NCAM1: variants seen among roughly 807,000 people sequenced by gnomAD.
NCAM1 encodes neural cell adhesion molecule 1.
NCAM1 carries 14 observed loss-of-function variants against 109.8 expected under a neutral mutation model. The ratio of observed to expected loss-of-function variants is 0.13; its 90% CI spans 0.08 to 0.20. The LOEUF (loss-of-function observed/expected upper bound fraction) is 0.20. NCAM1 is among the 10% of genes least tolerant of loss of function. The pLI is 1.00. For synonymous variants in NCAM1, 418 were observed against 442.9 expected, an observed-to-expected ratio of 0.94 and a Z score of 0.70; for missense variants, 774 against 1,109.9, an observed-to-expected ratio of 0.70 and a Z score of 4.30.
At chr11:113,184,954 A>C (rs1943453674) in intron 1 of NCAM1, among the ~76,000 whole-genome samples, 2 of 151,830 alleles carry the variant, frequency 1.3e-5, no homozygotes, top group South Asian at 4.2e-4. Flanking sequence ...ATATTGATGT[A>C]CTAGTCTGGG....
intron 1 of NCAM1, among the ~76,000 whole-genome samples, chr11:113,136,438 G>A (rs1223097178): frequency 6.6e-6 from 1 of 152,182 alleles, no homozygotes; most frequent in Non-Finnish European, 1.5e-5. Context: ...CCTTCGCATG[G>A]TGCAGGAGCA....
intron 1 of NCAM1, among the ~76,000 whole-genome samples, chr11:113,032,457 G>A (rs368968201): frequency 3.3e-5 from 5 of 152,086 alleles, no homozygotes; most frequent in African/African-American, 7.2e-5. Flanking sequence ...GCATCCCGTC[G>A]GCTGACTCAC....
intron 1 of NCAM1, among the ~76,000 whole-genome samples, chr11:113,109,239 T>G (rs1940320872): frequency 6.6e-6 from 1 of 150,846 alleles, no homozygotes. Context: ...TCCCAGCTAC[T>G]CAGGAGGCTG....
chr11:113,263,801 C>T lies in NCAM1; in HGVS notation c.2131+3478C>T, dbSNP rs1055770056. On this transcript the variant is annotated intron_variant, in intron 17 of 19. Coordinates refer to ENST00000316851, the MANE Select transcript of NCAM1 (RefSeq NM_181351.5). ...ACAGGTTGGAAGCATCCACTGTGAACCAGGCATTAGTCCCCTACCTGGCCT... is the reference window on the plus strand; with the variant it reads ...ACAGGTTGGAAGCATCCACTGTGAATCAGGCATTAGTCCCCTACCTGGCCT... 25 of 985,548 alleles carry T rather than the reference C, an allele frequency of 2.5e-5. No homozygotes were observed. The African/African-American group carries it at 3.3e-4, about 13-fold the overall frequency. 61.1% of individuals were successfully genotyped at this position (985,548 alleles called of 1,614,324 possible). A position where few individuals can be genotyped will look rare whatever the true frequency, so the allele number is the denominator to read the frequency against.
chr11:113,080,147 T>C (rs1565423803), intron 1 of NCAM1, among the ~76,000 whole-genome samples: 1 of 152,182 alleles, frequency 6.6e-6, no homozygotes, highest in East Asian at 1.9e-4. Flanking sequence ...TCGTTTTTTT[T>C]CTATCATCCA....
chr11:113,200,095 C>T (rs185531592), intron 1 of NCAM1, among the ~76,000 whole-genome samples: 4 of 152,192 alleles, frequency 2.6e-5, no homozygotes, highest in East Asian at 1.9e-4. Flanking sequence ...AAGGGCTGAA[C>T]GAGGGTAACA....
At chr11:113,191,423 T>A (rs1292022893) in intron 1 of NCAM1, among the ~76,000 whole-genome samples, 1 of 152,192 alleles carries the variant, frequency 6.6e-6, no homozygotes, top group African/African-American at 2.4e-5. Context: ...TGCCTGCCAG[T>A]TCACCCAGTA....
intron 9 of NCAM1, among the ~76,000 whole-genome samples, chr11:113,229,244 TCAAA>T (rs35773100): frequency 0.25 from 37,722 of 151,186 alleles, 4,965 homozygotes; most frequent in South Asian, 0.37. Flanking sequence ...CAAGAAAAAA[TCAAA>T]CAACCCCATC....
chr11:113,095,766 G>A (rs887715426), intron 1 of NCAM1, among the ~76,000 whole-genome samples: 1 of 152,166 alleles, frequency 6.6e-6, no homozygotes. Flanking sequence ...GGAGCCAGTT[G>A]GATTAGCCTT....
chr11:113,248,383 G>A (rs868941948), intron 15 of NCAM1, among the ~76,000 whole-genome samples: 1 of 152,244 alleles, frequency 6.6e-6, no homozygotes, highest in Non-Finnish European at 1.5e-5. Context: ...GCACGCAGCA[G>A]GAATTGTCCT....
At chr11:113,046,245 T>C (rs1555080786) in intron 1 of NCAM1, among the ~76,000 whole-genome samples, 1 of 152,230 alleles carries the variant, frequency 6.6e-6, no homozygotes, top group Non-Finnish European at 1.5e-5. Context: ...TAATATCACC[T>C]TGTTTCACAG....
Position 113,231,650 on chromosome 11 carries a change from G to A in NCAM1, c.1095G>A (p.Leu365=). 1 of 1,613,664 alleles carries A rather than the reference G, an allele frequency of 6.2e-7. No homozygotes were observed. ...SWTRPEKQET[L]DGHMVVRSHA... ...TTCCCCCCCACCCCCGGCAGACTCT[G>A]GATGGGCACATGGTGGTGCGTAGCC... is the stretch of plus-strand genomic sequence containing the variant. The change falls in exon 10 of 20, where the codon CTG becomes CTA. Residue 365 remains leucine (L), a synonymous_variant. Coordinates refer to ENST00000316851, the MANE Select transcript of NCAM1 (RefSeq NM_181351.5).
chr11:113,119,302 G>C lies in NCAM1; in HGVS notation c.53-83077G>C, dbSNP rs1355043517. Among the ~76,000 whole-genome samples, 4 of 152,170 alleles carry C rather than the reference G, an allele frequency of 2.6e-5. No individual in the cohort carries two copies. In the East Asian group the frequency reaches 7.7e-4, roughly 29 times the overall value. On this transcript the variant is annotated intron_variant, in intron 1 of 19. Coordinates refer to ENST00000316851, the MANE Select transcript of NCAM1 (RefSeq NM_181351.5). Reference sequence around the variant, plus strand: ...CTGCTTTCAGAGCTGCAGAACTACTGTCTGGAACAATAGCCGATGATATCC... The same window carrying C: ...CTGCTTTCAGAGCTGCAGAACTACTCTCTGGAACAATAGCCGATGATATCC...
At chr11:113,204,790 G>A (rs782793724) in intron 3 of NCAM1, among the ~76,000 whole-genome samples, 17 of 152,272 alleles carry the variant, frequency 1.1e-4, no homozygotes, top group Middle Eastern at 6.8e-3. Flanking sequence ...TTGGCTGACT[G>A]TTCTGCAATT....
chr11:113,235,430 A>G, intron 14 of NCAM1: 1 of 725,402 alleles, frequency 1.4e-6, no homozygotes, highest in African/African-American at 1.7e-5. Flanking sequence ...AGGGGAAGGC[A>G]CCAACACATT....
At chr11:113,211,782 C>T (rs924920618) in intron 7 of NCAM1, among the ~76,000 whole-genome samples, 19 of 152,114 alleles carry the variant, frequency 1.2e-4, no homozygotes, top group Admixed American at 3.9e-4. Flanking sequence ...GCAGGGGCCT[C>T]GGGGCTCTTC....
chr11:113,051,180 A>C (rs982409863), intron 1 of NCAM1, among the ~76,000 whole-genome samples: 9 of 152,248 alleles, frequency 5.9e-5, no homozygotes, highest in African/African-American at 1.9e-4. Flanking sequence ...AGTGACCCAG[A>C]AAAGCTGAAG....
intron 2 of NCAM1, among the ~76,000 whole-genome samples, chr11:113,203,189 T>G (rs1410165079): frequency 6.6e-6 from 1 of 152,082 alleles, no homozygotes; most frequent in Non-Finnish European, 1.5e-5. Flanking sequence ...TAGGTGTAAA[T>G]GGTGACATTT....
chr11:113,277,834 C>CAAGA lies in NCAM1; in HGVS notation c.*2448_*2451dup, dbSNP rs1946429692. 1 of 92,114 alleles carries CAAGA rather than the reference C, an allele frequency of 1.1e-5. No homozygotes were observed. Among genetic ancestry groups the CAAGA allele is most frequent in the Non-Finnish European group, 2.0e-5 (1 of 50,654 alleles). 5.7% of individuals were successfully genotyped at this position (92,114 alleles called of 1,614,324 possible). A position where few individuals can be genotyped will look rare whatever the true frequency, so the allele number is the denominator to read the frequency against. Reference sequence around the variant, plus strand: ...TTACACATAGGTTTGTCTCAGCATGCAAGAGTTTTTCCTTTAAAAAAAAAA... The same window carrying CAAGA: ...TTACACATAGGTTTGTCTCAGCATGCAAGAAAGAGTTTTTCCTTTAAAAAAAAAA... On this transcript the variant is annotated 3_prime_UTR_variant, in exon 20 of 20. Coordinates refer to ENST00000316851, the MANE Select transcript of NCAM1 (RefSeq NM_181351.5).
Sources: gnomAD v4.1 joint callset for allele counts (sites outside exome capture counted in the v4.1 genomes callset) on GRCh38, gnomAD v4.1.1 for gene constraint, MANE v1.5 for transcripts, NCBI Gene and HGNC (gene_info 2026-07-23, HGNC 2026-07-21) for gene names.